The following FBXL7 variants were observed in gnomAD, a reference collection of about 807,000 sequenced individuals.
The protein encoded by FBXL7 is F-box/LRR-repeat protein 7.
In FBXL7, 12 loss-of-function variants were observed where a neutral mutation model predicts 38.3. The observed-to-expected ratio is 0.31, with a 90% CI of 0.20 to 0.51. The LOEUF (loss-of-function observed/expected upper bound fraction) is 0.51, where lower values mean the gene tolerates loss of function less well. Ranked by LOEUF, FBXL7 falls within the 20% of genes least tolerant of loss-of-function variation. The pLI, the probability that FBXL7 is intolerant of heterozygous loss-of-function variation, is 0.98. For synonymous variants in FBXL7, 297 were observed against 300.9 expected (o/e 0.99, Z 0.13); for missense variants, 567 against 676.4 (o/e 0.84, Z 1.79).
chr5:15,664,960 G>T lies in FBXL7; in HGVS notation c.127+48888G>T, dbSNP rs149858715. Among the ~76,000 whole-genome samples the T allele has an allele frequency of 8.0e-4, 122 of 151,862 alleles. 1 individual carries two copies. The highest frequency in any genetic ancestry group is 2.8e-3 in the African/African-American group (116 of 41,404). On this transcript the variant is annotated intron_variant, in intron 2 of 3. Transcript: ENST00000504595. ...ACAGGTATAGGATTCTGGGTTGGCA[G>T]TTTTTTGTTTTTCTTTAATACCATA...
At chr5:15,726,189 T>TG (rs1463478440) in intron 2 of FBXL7, among the ~76,000 whole-genome samples, 4 of 152,222 alleles carry the variant, frequency 2.6e-5, no homozygotes, top group African/African-American at 9.6e-5. Flanking sequence ...CACTCTTTTT[T>TG]GGTTACTATT....
intron 2 of FBXL7, among the ~76,000 whole-genome samples, chr5:15,625,026 C>T (rs530934896): frequency 2.6e-5 from 4 of 152,092 alleles, no homozygotes; most frequent in South Asian, 2.1e-4. Flanking sequence ...AGGTCCTCAC[C>T]GGATGCAGCT....
chr5:15,551,003 T>C (rs1561024223), intron 1 of FBXL7, among the ~76,000 whole-genome samples: 1 of 152,252 alleles, frequency 6.6e-6, no homozygotes, highest in Non-Finnish European at 1.5e-5. Flanking sequence ...GTGGGAGTTA[T>C]TATTTTTTGC....
At chr5:15,881,083 G>A (rs1346915788) in intron 2 of FBXL7, among the ~76,000 whole-genome samples, 1 of 151,972 alleles carries the variant, frequency 6.6e-6, no homozygotes, top group Non-Finnish European at 1.5e-5. Context: ...GTGGTGATGG[G>A]TTACATGAAT....
chr5:15,536,828 G>T (rs1350863820), intron 1 of FBXL7, among the ~76,000 whole-genome samples: 3 of 152,016 alleles, frequency 2.0e-5, no homozygotes, highest in Non-Finnish European at 4.4e-5. Context: ...TACGAGATTT[G>T]GGAGGGGCCA....
chr5:15,771,363 G>T (rs1736724001), intron 2 of FBXL7, among the ~76,000 whole-genome samples: 1 of 152,158 alleles, frequency 6.6e-6, no homozygotes. Context: ...TATTTTTAGT[G>T]GGACTCTAGT....
At chr5:15,763,085 T>G (rs1438052138) in intron 2 of FBXL7, among the ~76,000 whole-genome samples, 1 of 152,124 alleles carries the variant, frequency 6.6e-6, no homozygotes, top group Non-Finnish European at 1.5e-5. Flanking sequence ...GACCCTTCCA[T>G]CTCCCAAAAT....
At chr5:15,776,015 G>A (rs1431887187) in intron 2 of FBXL7, among the ~76,000 whole-genome samples, 3 of 151,958 alleles carry the variant, frequency 2.0e-5, no homozygotes, top group Non-Finnish European at 2.9e-5. Context: ...AACAGATAGC[G>A]GCAACATGTC....
At chr5:15,743,115 C>T (rs768506730) in intron 2 of FBXL7, among the ~76,000 whole-genome samples, 2 of 152,054 alleles carry the variant, frequency 1.3e-5, no homozygotes, top group African/African-American at 4.8e-5. Flanking sequence ...CACTCCTGGC[C>T]CCTCCCAAAA....
intron 1 of FBXL7, among the ~76,000 whole-genome samples, chr5:15,577,204 G>A (rs1217324833): frequency 6.6e-6 from 1 of 152,168 alleles, no homozygotes; most frequent in African/African-American, 2.4e-5. Flanking sequence ...GACTAGCTGT[G>A]TCCCTTCCTG....
chr5:15,914,425 A>G (rs1467035238), intron 2 of FBXL7, among the ~76,000 whole-genome samples: 1 of 150,818 alleles, frequency 6.6e-6, no homozygotes, highest in Non-Finnish European at 1.5e-5. Flanking sequence ...AGGGATCTGG[A>G]TAATCTATGA....
chr5:15,585,851 AG>A (rs770763805), intron 1 of FBXL7, among the ~76,000 whole-genome samples: 7 of 152,246 alleles, frequency 4.6e-5, no homozygotes, highest in Non-Finnish European at 8.8e-5. Flanking sequence ...TTCTTGTTCA[AG>A]GCTGGTCACA....
chr5:15,722,571 C>T (rs554677584), intron 2 of FBXL7, among the ~76,000 whole-genome samples: 30 of 152,288 alleles, frequency 2.0e-4, no homozygotes, highest in African/African-American at 6.7e-4. Context: ...TTGGCCGGCT[C>T]ATTTCCTGCT....
intron 1 of FBXL7, among the ~76,000 whole-genome samples, chr5:15,525,320 C>G (rs998649403): frequency 6.6e-6 from 1 of 152,136 alleles, no homozygotes; most frequent in Non-Finnish European, 1.5e-5. Flanking sequence ...GTCTTAAAAT[C>G]TTTTTCTGTT....
intron 2 of FBXL7, among the ~76,000 whole-genome samples, chr5:15,691,490 A>G (rs922744544): frequency 5.3e-5 from 8 of 152,140 alleles, no homozygotes; most frequent in African/African-American, 9.7e-5. Context: ...TGTTGTAGGC[A>G]ACCAGTGCAG....
intron 2 of FBXL7, among the ~76,000 whole-genome samples, chr5:15,804,091 C>T (rs957174095): frequency 2.6e-5 from 4 of 152,184 alleles, no homozygotes; most frequent in African/African-American, 9.7e-5. Context: ...ATTAATCTTA[C>T]ACCTTAATAG....
chr5:15,661,465 C>T (rs1052088018), intron 2 of FBXL7, among the ~76,000 whole-genome samples: 14 of 152,068 alleles, frequency 9.2e-5, no homozygotes, highest in African/African-American at 3.1e-4. Context: ...TACATCCTTT[C>T]CTTGTTCCCA....
chr5:15,540,676 G>T (rs181034872), intron 1 of FBXL7, among the ~76,000 whole-genome samples: 1 of 152,188 alleles, frequency 6.6e-6, no homozygotes, highest in Non-Finnish European at 1.5e-5. Flanking sequence ...ATTTCTCACA[G>T]TTCTGGAGGC....
At chr5:15,872,349 A>G (rs971823792) in intron 2 of FBXL7, among the ~76,000 whole-genome samples, 3 of 152,212 alleles carry the variant, frequency 2.0e-5, no homozygotes, top group Admixed American at 2.0e-4. Context: ...CATCAACACT[A>G]TGAAGAAGCT....
Sources: allele counts gnomAD v4.1 joint callset (sites outside exome capture counted in the v4.1 genomes callset), GRCh38; gene constraint gnomAD v4.1.1; transcripts MANE v1.5; gene names NCBI Gene and HGNC (gene_info 2026-07-23, HGNC 2026-07-21).